Variants in NUP85 observed in about 807,000 individuals in gnomAD.
NUP85 encodes the protein nucleoporin 85.
NUP85 carries 23 observed loss-of-function variants against 92.8 expected under a neutral mutation model. The ratio of observed to expected loss-of-function variants is 0.25; its 90% CI spans 0.18 to 0.35. The LOEUF is 0.35. Ranked by LOEUF, NUP85 falls within the 10% of genes least tolerant of loss-of-function variation. NUP85 has a pLI of 1.00. For synonymous variants in NUP85, 314 were observed against 306.9 expected (o/e 1.02, Z -0.24); for missense variants, 759 against 822.8 (o/e 0.92, Z 0.95).
chr17:75,234,061 T>G (rs1296932035), intron 16 of NUP85, among the ~76,000 whole-genome samples: 2 of 150,248 alleles, frequency 1.3e-5, no homozygotes, highest in African/African-American at 4.9e-5. Context: ...TCTTTTTTTT[T>G]TTTTTTTTGA....
At position 75,225,841 on chromosome 17, in the gene NUP85, C is replaced by T. The variant is rs1355143590; in HGVS notation, c.987+12C>T. ...ACTACTATGCCCAGGTGAGTGAGCTCGGGGTGGGCAAGGGTGGGGGTAGGA... is the reference window on the plus strand; with the variant it reads ...ACTACTATGCCCAGGTGAGTGAGCTTGGGGTGGGCAAGGGTGGGGGTAGGA... On this transcript the variant is annotated intron_variant, in intron 10 of 18. Coordinates refer to ENST00000245544, the MANE Select transcript of NUP85 (RefSeq NM_024844.5). The T allele has an allele frequency of 6.6e-6, 7 of 1,065,688 alleles. No individual in the cohort carries two copies. Among genetic ancestry groups the T allele is most frequent in the Middle Eastern group, 2.3e-4 (1 of 4,402 alleles). The allele number at this position is 1,065,688 out of a possible 1,614,324, so 66.0% of individuals were successfully genotyped here. A position where few individuals can be genotyped will look rare whatever the true frequency, so the allele number is the denominator to read the frequency against.
chr17:75,234,538 T>G (rs1040670599), intron 16 of NUP85, 99 bp from the exon 17 acceptor site: 298 of 1,259,300 alleles, frequency 2.4e-4, no homozygotes, highest in East Asian at 1.0e-3. Context: ...TGGTCTGAGG[T>G]TTTTCTTCTC....
rs117179762 is a variant in NUP85 at position 75,214,287 on chromosome 17, T to C, written c.405+1168T>C. On this transcript the variant is annotated intron_variant, in intron 5 of 18. Coordinates refer to ENST00000245544, the MANE Select transcript of NUP85 (RefSeq NM_024844.5). ...TGACTAGGTAGTAATTCACTGTCTC[T>C]GAAGTACCCTTATGAACAAGTCATC... 3.9e-3 allele frequency among the ~76,000 whole-genome samples: 588 copies of C among 152,312 alleles called. 3 individuals carry two copies. Among genetic ancestry groups the C allele is most frequent in the Non-Finnish European group, 7.3e-3 (494 of 68,022 alleles).
At chr17:75,228,090 A>G (rs963256291) in intron 11 of NUP85, 3 of 602,066 alleles carry the variant, frequency 5.0e-6, no homozygotes, top group South Asian at 7.3e-5. Flanking sequence ...TGAGTATTCT[A>G]AATTTCCTGT....
Position 75,233,102 on chromosome 17 carries a change from A to T in NUP85, c.1559A>T (p.Asp520Val). 6.2e-7 allele frequency: 1 copy of T among 1,613,930 alleles called. No individual in the cohort carries two copies. Among genetic ancestry groups the T allele is most frequent in the Non-Finnish European group, 8.5e-7 (1 of 1,180,002 alleles). ...YCERGCFSDL[D>V]LIDNLGPAMM... Reference sequence around the variant, plus strand: ...GAGCGAGGCTGCTTTTCTGATTTGGATCTCATTGACAACCTGGGGCCAGCC... The same window carrying T: ...GAGCGAGGCTGCTTTTCTGATTTGGTTCTCATTGACAACCTGGGGCCAGCC... The change falls in exon 16 of 19, where the codon GAT (aspartate) becomes GTT (valine). Residue 520 changes from aspartate to valine, a missense_variant. Asp to Val is a radical substitution (Grantham distance 152). Transcript: ENST00000245544.
In NUP85 at chr17:75,231,483, T is replaced by C. The variant is rs2076056132; in HGVS notation, c.1178+60T>C. 1 of 1,607,000 alleles carries C rather than the reference T, an allele frequency of 6.2e-7. No individual in the cohort carries two copies. Among genetic ancestry groups the C allele is most frequent in the Non-Finnish European group, 8.5e-7 (1 of 1,173,582 alleles). ...TACCACCAGGCCCCCGAGGGTGGTGTGAACTGAATGCCTGAAAGGGAGGTT... is the reference window on the plus strand; with the variant it reads ...TACCACCAGGCCCCCGAGGGTGGTGCGAACTGAATGCCTGAAAGGGAGGTT... On this transcript the variant is annotated intron_variant, in intron 12 of 18. Coordinates refer to ENST00000245544, the MANE Select transcript of NUP85 (RefSeq NM_024844.5). This position sits in a 1 kb window ranked among gnomAD's most constrained non-coding sequence, Gnocchi z 4.6.
chr17:75,215,940 C>T, intron 6 of NUP85, 117 bp downstream of exon 6: 1 of 914,478 alleles, frequency 1.1e-6, no homozygotes, highest in Non-Finnish European at 1.7e-6. Context: ...TTCTTTCCAT[C>T]ATTATAACCA....
chr17:75,235,505 T>C, intron 18 of NUP85, 73 bp from the exon 19 acceptor site: 1 of 1,041,882 alleles, frequency 9.6e-7, no homozygotes, highest in Admixed American at 2.1e-5. Context: ...ACCTTTGGAT[T>C]AGCTAGACCC....
chr17:75,227,901 A>T (rs543689999), intron 11 of NUP85: 1 of 152,032 alleles, frequency 6.6e-6, no homozygotes, highest in Admixed American at 6.6e-5. Flanking sequence ...TTGGCCTCCC[A>T]CAGTGCTAGG....
intron 11 of NUP85, among the ~76,000 whole-genome samples, chr17:75,229,725 C>T (rs1464887512): frequency 6.6e-6 from 1 of 152,228 alleles, no homozygotes; most frequent in Admixed American, 6.5e-5. Context: ...TCTCTGCTCT[C>T]AGTGCTTGCT....
At chr17:75,210,694 T>G (rs770531416) in intron 3 of NUP85, among the ~76,000 whole-genome samples, 23 of 152,102 alleles carry the variant, frequency 1.5e-4, no homozygotes, top group Non-Finnish European at 3.1e-4. Flanking sequence ...CAAGAGTGAT[T>G]ATTGGTTGTT....
rs372382363 is a variant in NUP85, at chr17:75,213,030, G to A, written c.362-46G>A. The A allele has an allele frequency of 3.0e-4, 480 of 1,578,820 alleles. 3 individuals are homozygous for A. The highest frequency in any genetic ancestry group is 8.1e-5 in the African/African-American group (6 of 74,420). On this transcript the variant is annotated intron_variant, in intron 4 of 18. Coordinates refer to ENST00000245544, the MANE Select transcript of NUP85 (RefSeq NM_024844.5). The stretch of plus-strand genomic sequence containing the variant: ...CTGGAATATTCAGCTATGACAATAA[G>A]CCTAAGAGTTCCATTGCTCACTTAA...
intron 1 of NUP85, among the ~76,000 whole-genome samples, chr17:75,206,821 CT>C (rs2075097544): frequency 6.6e-6 from 1 of 151,840 alleles, no homozygotes; most frequent in Admixed American, 6.6e-5. Flanking sequence ...CCTCAGCCTC[CT>C]GAGTAGCTGG....
intron 1 of NUP85, among the ~76,000 whole-genome samples, chr17:75,207,846 C>T (rs2075132103): frequency 6.6e-6 from 1 of 151,874 alleles, no homozygotes. Flanking sequence ...AAAAATTAGC[C>T]TGGTTTGGTG....
intron 5 of NUP85, among the ~76,000 whole-genome samples, chr17:75,215,530 A>G (rs570643207): frequency 1.3e-5 from 2 of 152,358 alleles, no homozygotes; most frequent in East Asian, 3.9e-4. Flanking sequence ...TGTAATGCAC[A>G]GTAAAATAAA....
intron 18 of NUP85, 109 bp downstream of exon 18, chr17:75,235,310 C>T (rs1359075090): frequency 4.1e-6 from 3 of 726,264 alleles, no homozygotes; most frequent in Admixed American, 2.8e-5. Context: ...GACACATGTG[C>T]CTCTGTTCCC....
chr17:75,228,567 G>T (rs538119015), intron 11 of NUP85: 1 of 985,388 alleles, frequency 1.0e-6, no homozygotes, highest in East Asian at 1.1e-4. Context: ...GTTGAATTGG[G>T]GTCTTGTGGG....
At chr17:75,213,280 G>A (rs911817708) in intron 5 of NUP85, among the ~76,000 whole-genome samples, 161 bp downstream of exon 5, 2 of 151,800 alleles carry the variant, frequency 1.3e-5, no homozygotes, top group African/African-American at 4.8e-5. Context: ...CCTTCAAGGT[G>A]TAGCTCACAA....
At chr17:75,213,773 C>T (rs2075342718) in intron 5 of NUP85, among the ~76,000 whole-genome samples, 1 of 151,010 alleles carries the variant, frequency 6.6e-6, no homozygotes. Context: ...AAGCTGGTCT[C>T]GAACTCTTGG....
Sources: allele counts gnomAD v4.1 joint callset (sites outside exome capture counted in the v4.1 genomes callset), GRCh38; gene constraint gnomAD v4.1.1; non-coding constraint Gnocchi (gnomAD v3.1); transcripts MANE v1.5; gene names NCBI Gene and HGNC (gene_info 2026-07-23, HGNC 2026-07-21).